Variants in FHIT observed in about 807,000 individuals in gnomAD.
FHIT encodes bis(5'-adenosyl)-triphosphatase.
Under a neutral mutation model 17.9 loss-of-function variants are expected in FHIT, and 19 were observed. The ratio of observed to expected loss-of-function variants is 1.06; its 90% CI spans 0.74 to 1.56. The LOEUF is 1.56. Ranked by LOEUF, FHIT falls within the 40% of genes most tolerant of loss-of-function variation. The pLI is 0.00. For missense variants in FHIT, 248 were observed against 189.2 expected (o/e 1.31, Z -1.82); for synonymous variants, 81 against 69.7 (o/e 1.16, Z -0.81).
chr3:59,976,968 C>T (rs1163960826), intron 7 of FHIT, among the ~76,000 whole-genome samples: 11 of 152,012 alleles, frequency 7.2e-5, no homozygotes, highest in South Asian at 6.2e-4. Context: ...AATTGAGATG[C>T]TGCACACCAC....
intron 4 of FHIT, among the ~76,000 whole-genome samples, chr3:60,740,018 T>C (rs1369365750): frequency 6.6e-6 from 1 of 152,174 alleles, no homozygotes; most frequent in Non-Finnish European, 1.5e-5. Context: ...TAATAGAATA[T>C]CCTTCTATCT....
intron 4 of FHIT, among the ~76,000 whole-genome samples, chr3:60,724,006 T>C (rs2041864084): frequency 6.6e-6 from 1 of 152,246 alleles, no homozygotes; most frequent in African/African-American, 2.4e-5. Context: ...AATTCACATA[T>C]CATACTGTTA....
At chr3:60,986,920 A>C (rs1209798273) in intron 3 of FHIT, among the ~76,000 whole-genome samples, 1 of 152,246 alleles carries the variant, frequency 6.6e-6, no homozygotes, top group Non-Finnish European at 1.5e-5. Context: ...CATACACTTT[A>C]TAAGTCTACA....
intron 3 of FHIT, among the ~76,000 whole-genome samples, chr3:61,004,760 C>T (rs532814842): frequency 6.6e-6 from 1 of 152,172 alleles, no homozygotes; most frequent in Non-Finnish European, 1.5e-5. Flanking sequence ...GCATACAGGT[C>T]AGCAGGTGGA....
intron 1 of FHIT, among the ~76,000 whole-genome samples, chr3:61,219,926 T>C (rs2039792226): frequency 6.6e-6 from 1 of 152,208 alleles, no homozygotes; most frequent in Non-Finnish European, 1.5e-5. Context: ...AGTAGAAACC[T>C]TTCTCTGGGT....
chr3:60,965,712 CCT>C (rs1709700441), intron 3 of FHIT, among the ~76,000 whole-genome samples: 1 of 152,256 alleles, frequency 6.6e-6, no homozygotes, highest in East Asian at 1.9e-4. Flanking sequence ...CACTCCAGAC[CCT>C]GTTTGCCTGT....
intron 3 of FHIT, among the ~76,000 whole-genome samples, chr3:60,934,014 G>A (rs997724632): frequency 6.6e-6 from 1 of 152,178 alleles, no homozygotes; most frequent in Non-Finnish European, 1.5e-5. Context: ...TGCTTAATTT[G>A]AGGTTAATTA....
chr3:60,446,385 G>A (rs1228181489), intron 5 of FHIT, among the ~76,000 whole-genome samples: 1 of 152,114 alleles, frequency 6.6e-6, no homozygotes, highest in Non-Finnish European at 1.5e-5. Flanking sequence ...CTGAAATGGG[G>A]CGTTACTTTC....
chr3:60,703,836 G>A (rs1553702804), intron 4 of FHIT, among the ~76,000 whole-genome samples: 1 of 151,982 alleles, frequency 6.6e-6, no homozygotes, highest in Non-Finnish European at 1.5e-5. Context: ...CTTTTTTCTA[G>A]TGGTACATGT....
At position 60,976,096 on chromosome 3, in the gene FHIT, C is replaced by CTTTTTTTTTTTTTTTTTTTTTTTTTTTTT. The variant is rs869239307; in HGVS notation, c.-111+65950_-111+65951insAAAAAAAAAAAAAAAAAAAAAAAAAAAAA. Among the ~76,000 whole-genome samples the CTTTTTTTTTTTTTTTTTTTTTTTTTTTTT allele has an allele frequency of 1.5e-4, 10 of 66,790 alleles. 2 individuals are homozygous for CTTTTTTTTTTTTTTTTTTTTTTTTTTTTT. The highest frequency in any genetic ancestry group is 3.3e-4 in the African/African-American group (5 of 15,108). The allele number at this position is 66,790 out of a possible 152,430, so 43.8% of individuals were successfully genotyped here. On this transcript the variant is annotated intron_variant, in intron 3 of 9. Coordinates refer to ENST00000492590, the MANE Select transcript of FHIT (RefSeq NM_002012.4). ...CTTTGTATCTTTCGTTTTTCTTTTT[C>CTTTTTTTTTTTTTTTTTTTTTTTTTTTTT]TTTTTTTTTTTTTTTTTTTTTTTTT...
intron 3 of FHIT, among the ~76,000 whole-genome samples, chr3:60,920,968 C>T (rs782329102): frequency 5.9e-5 from 9 of 152,202 alleles, no homozygotes; most frequent in South Asian, 2.1e-4. Context: ...CTGCCGCAGA[C>T]GATTTCTCTG....
chr3:60,593,870 A>C (rs1028429961), intron 4 of FHIT, among the ~76,000 whole-genome samples: 1 of 152,078 alleles, frequency 6.6e-6, no homozygotes, highest in Non-Finnish European at 1.5e-5. Flanking sequence ...CTATTTCACA[A>C]AAAAAACTAA....
intron 4 of FHIT, among the ~76,000 whole-genome samples, chr3:60,567,935 A>G (rs1296778216): frequency 2.6e-5 from 4 of 152,216 alleles, no homozygotes; most frequent in African/African-American, 4.8e-5. Context: ...TTAGAATGGC[A>G]ATCATTAAAA....
chr3:60,012,079 T>C (rs1254431341), intron 6 of FHIT, among the ~76,000 whole-genome samples: 2 of 152,078 alleles, frequency 1.3e-5, no homozygotes, highest in Admixed American at 6.5e-5. Context: ...TCTGCAACTT[T>C]AGCCAGGTTT....
rs533112787 is a variant in FHIT at position 60,113,920 on chromosome 3, TGAACCCG to T, written c.104-99775_104-99769del. On this transcript the variant is annotated intron_variant, in intron 5 of 9. Coordinates refer to ENST00000492590, the MANE Select transcript of FHIT (RefSeq NM_002012.4). ...GGGTGGCTGAGGCAGGAGAATGGCG[TGAACCCG>T]GGAGGCGGAGCTTGCAGTGAGCCGA... is the stretch of plus-strand genomic sequence containing the variant. 5.6e-4 allele frequency among the ~76,000 whole-genome samples: 77 copies of T among 137,586 alleles called. 1 individual carries two copies. Among genetic ancestry groups the T allele is most frequent in the African/African-American group, 1.8e-3 (66 of 35,912 alleles). The allele number at this position is 137,586 out of a possible 152,430, so 90.3% of individuals were successfully genotyped here.
At chr3:60,714,464 T>C (rs1278007762) in intron 4 of FHIT, among the ~76,000 whole-genome samples, 16 of 152,090 alleles carry the variant, frequency 1.1e-4, no homozygotes, top group South Asian at 6.2e-4. Flanking sequence ...AAATAAAGGG[T>C]ATTCAATTAG....
chr3:59,872,343 G>GGAGGGCGAT (rs1452345747), intron 8 of FHIT, among the ~76,000 whole-genome samples: 1 of 152,202 alleles, frequency 6.6e-6, no homozygotes, highest in East Asian at 1.9e-4. Flanking sequence ...GAGTTCATGA[G>GGAGGGCGAT]GAGGGCGATG....
intron 5 of FHIT, among the ~76,000 whole-genome samples, chr3:60,021,144 G>C (rs1700538785): frequency 1.3e-5 from 2 of 152,170 alleles, no homozygotes; most frequent in Non-Finnish European, 2.9e-5. Flanking sequence ...ACTCTGCTCA[G>C]AGCTGGTTCT....
intron 3 of FHIT, among the ~76,000 whole-genome samples, chr3:60,855,967 G>C (rs1219345895): frequency 1.3e-5 from 2 of 152,090 alleles, no homozygotes; most frequent in African/African-American, 4.8e-5. Context: ...AGCTTAAGGA[G>C]GCTTTTATTT....
Sources: allele counts gnomAD v4.1 joint callset (sites outside exome capture counted in the v4.1 genomes callset), GRCh38; gene constraint gnomAD v4.1.1; transcripts MANE v1.5; gene names NCBI Gene and HGNC (gene_info 2026-07-23, HGNC 2026-07-21).